Variants in TMCO5A observed in about 807,000 individuals in gnomAD.
The protein encoded by TMCO5A is transmembrane and coiled-coil domain-containing protein 5A.
A neutral mutation model predicts 42.3 loss-of-function variants in TMCO5A; 34 were observed. That is an observed-to-expected ratio of 0.80 (90% CI 0.61 to 1.07). TMCO5A has a LOEUF of 1.07. Among genes scored for constraint, TMCO5A ranks in the 50% least tolerant of loss-of-function variants. TMCO5A has a pLI of 0.00. For synonymous variants in TMCO5A, 131 were observed against 115.6 expected (o/e 1.13, Z -0.86); for missense variants, 357 against 327.9 (o/e 1.09, Z -0.69).
At chr15:37,978,672 A>G in the TMCO5A span, among the ~76,000 whole-genome samples, 1 of 152,186 alleles carries the variant, frequency 6.6e-6, no homozygotes, top group Non-Finnish European at 1.5e-5. Flanking sequence ...CAGAGCCACC[A>G]TCGATTGATG....
Position 37,951,109 on chromosome 15 carries a change from T to C in TMCO5A, c.742T>C (p.Phe248Leu). 3 of 1,613,684 alleles carry C rather than the reference T, an allele frequency of 1.9e-6. No homozygotes were observed. Among genetic ancestry groups the C allele is most frequent in the East Asian group, 2.2e-5 (1 of 44,874 alleles). Residue 248 changes from phenylalanine (F) to leucine (L), a missense_variant, in exon 12 of 12, where the codon TTC becomes CTC. Coordinates refer to ENST00000319669, the MANE Select transcript of TMCO5A (RefSeq NM_152453.4). Reference protein sequence around the residue: ...LLSYMFFHVRFINPDLLVNVL... With the variant: ...LLSYMFFHVRLINPDLLVNVL... ...GAGCTACATGTTTTTTCATGTAAGA[T>C]TCATAAATCCAGATCTCCTCGTCAA...
downstream of TMCO5A, chr15:37,967,867 T>C (rs2140826820): frequency 6.6e-6 from 1 of 152,306 alleles, no homozygotes; most frequent in Admixed American, 6.5e-5. Flanking sequence ...TGGGACTCCT[T>C]GGTCCACTGC....
intron 11 of TMCO5A, among the ~76,000 whole-genome samples, chr15:37,962,241 A>T (rs1442299876): frequency 6.6e-6 from 1 of 152,096 alleles, no homozygotes; most frequent in Non-Finnish European, 1.5e-5. Flanking sequence ...GAGGGTTTTA[A>T]TCATAAAGCG....
intron 10 of TMCO5A, among the ~76,000 whole-genome samples, chr15:37,946,793 T>G (rs113446178): frequency 0.12 from 18,910 of 152,160 alleles, 1,269 homozygotes; most frequent in Admixed American, 0.15. Context: ...TCATGTCACC[T>G]GCAAACAAAG....
the TMCO5A span, among the ~76,000 whole-genome samples, chr15:37,976,265 A>AT: frequency 1.3e-5 from 2 of 150,354 alleles, no homozygotes; most frequent in Non-Finnish European, 3.0e-5. Flanking sequence ...AAAAGATCTT[A>AT]TTTTTTCCTT....
At chr15:37,947,107 T>C (rs28715282) in intron 10 of TMCO5A, among the ~76,000 whole-genome samples, 4,101 of 152,292 alleles carry the variant, frequency 0.027, 164 homozygotes, top group African/African-American at 0.079. Flanking sequence ...TCTATTGAGA[T>C]AATCATGGGT....
the TMCO5A span, among the ~76,000 whole-genome samples, chr15:38,015,660 G>A: frequency 1.3e-5 from 2 of 152,136 alleles, no homozygotes; most frequent in African/African-American, 2.4e-5. Context: ...CCAAGATGGC[G>A]TTCAGTAGGT....
chr15:37,978,990 A>G, the TMCO5A span, among the ~76,000 whole-genome samples: 1 of 151,934 alleles, frequency 6.6e-6, no homozygotes, highest in East Asian at 1.9e-4. Flanking sequence ...AGAACTCACT[A>G]TCATGACAGA....
the TMCO5A span, among the ~76,000 whole-genome samples, chr15:38,005,341 T>C: frequency 7.4e-6 from 1 of 134,424 alleles, no homozygotes; most frequent in Non-Finnish European, 1.5e-5. Context: ...TTTGGGAAGC[T>C]GAGCGCAGGT....
chr15:37,983,960 T>C, the TMCO5A span, among the ~76,000 whole-genome samples: 1 of 152,146 alleles, frequency 6.6e-6, no homozygotes, highest in Non-Finnish European at 1.5e-5. Context: ...CTCGAACTCC[T>C]GACCTCAGGT....
chr15:37,942,168 GCTTTCTTTGTTTCT>G lies in TMCO5A; in HGVS notation c.505-18_505-5del, dbSNP rs1889769549. On this transcript the variant is annotated splice_polypyrimidine_tract_variant and intron_variant, in intron 8 of 11. Coordinates refer to ENST00000319669, the MANE Select transcript of TMCO5A (RefSeq NM_152453.4). Reference sequence around the variant, plus strand: ...GTAAACCTTCTAAGTAGTAACTGTGGCTTTCTTTGTTTCTCTTTGAAGAAGTACCAGGAAACGTT... The same window carrying G: ...GTAAACCTTCTAAGTAGTAACTGTGGCTTTGAAGAAGTACCAGGAAACGTT... 1.9e-6 allele frequency: 3 copies of G among 1,609,354 alleles called. No homozygotes were observed. The East Asian group carries it at 6.7e-5, about 36-fold the overall frequency.
the TMCO5A span, among the ~76,000 whole-genome samples, chr15:38,035,128 G>A: frequency 6.6e-6 from 1 of 152,214 alleles, no homozygotes; most frequent in South Asian, 2.1e-4. Flanking sequence ...AGGAAAGGAG[G>A]ATGGGTCATG....
At chr15:37,992,222 A>G in the TMCO5A span, among the ~76,000 whole-genome samples, 1 of 152,202 alleles carries the variant, frequency 6.6e-6, no homozygotes, top group Non-Finnish European at 1.5e-5. Context: ...GAAGACATAC[A>G]TGCGGCCAAC....
At chr15:37,966,629 G>A (rs1890563345) in exon 12 of TMCO5A, 1 of 702,846 alleles carries the variant, frequency 1.4e-6, no homozygotes. Context: ...CTTCAGATGG[G>A]CCTCCTCCTT....
chr15:37,944,709 A>G (rs1478623755), intron 10 of TMCO5A, among the ~76,000 whole-genome samples: 1 of 152,070 alleles, frequency 6.6e-6, no homozygotes, highest in African/African-American at 2.4e-5. Context: ...AGCTAGGACT[A>G]CAGGCACCCA....
chr15:38,007,798 G>A, the TMCO5A span, among the ~76,000 whole-genome samples: 2 of 151,010 alleles, frequency 1.3e-5, no homozygotes, highest in East Asian at 3.9e-4. Flanking sequence ...AGGGTGGGGA[G>A]GCCTAGGCAT....
At chr15:38,000,527 T>C in the TMCO5A span, among the ~76,000 whole-genome samples, 1 of 152,070 alleles carries the variant, frequency 6.6e-6, no homozygotes, top group Non-Finnish European at 1.5e-5. Flanking sequence ...CTGTTAAGAT[T>C]TTTATTACTT....
downstream of TMCO5A, among the ~76,000 whole-genome samples, chr15:37,971,302 C>T (rs184417988): frequency 1.3e-4 from 20 of 152,300 alleles, no homozygotes; most frequent in African/African-American, 4.8e-4. Flanking sequence ...TGAGCTGCAC[C>T]TTGGCCCCTT....
At chr15:38,033,460 T>C in the TMCO5A span, among the ~76,000 whole-genome samples, 409 of 152,302 alleles carry the variant, frequency 2.7e-3, 5 homozygotes, top group African/African-American at 8.2e-3. Flanking sequence ...TAGAAACATA[T>C]GAGAATTTGA....
Sources: gnomAD v4.1 joint callset for allele counts (sites outside exome capture counted in the v4.1 genomes callset) on GRCh38, gnomAD v4.1.1 for gene constraint, MANE v1.5 for transcripts, NCBI Gene and HGNC (gene_info 2026-07-23, HGNC 2026-07-21) for gene names.